Variants in GHR observed in about 807,000 individuals in gnomAD.
The protein encoded by GHR is growth hormone receptor.
In GHR, 35 loss-of-function variants were observed where a neutral mutation model predicts 67.1. That is an observed-to-expected ratio of 0.52 (90% CI 0.40 to 0.69). The LOEUF (loss-of-function observed/expected upper bound fraction) is 0.69. GHR is among the 30% of genes least tolerant of loss of function. The pLI is 0.00. For synonymous variants in GHR, 272 were observed against 269.1 expected (o/e 1.01, Z -0.10); for missense variants, 792 against 764.6 (o/e 1.04, Z -0.42).
chr5:42,610,280 T>C (rs1001010947), intron 2 of GHR, among the ~76,000 whole-genome samples: 2 of 152,152 alleles, frequency 1.3e-5, no homozygotes, highest in African/African-American at 4.8e-5. Context: ...ACTGATCTGA[T>C]GTGAACCCCT....
At chr5:42,713,027 A>T (rs181835196) in intron 7 of GHR, among the ~76,000 whole-genome samples, 10 of 150,576 alleles carry the variant, frequency 6.6e-5, no homozygotes, top group African/African-American at 2.4e-4. Flanking sequence ...CACCACACTT[A>T]AAAAAAAATA....
intron 2 of GHR, among the ~76,000 whole-genome samples, chr5:42,572,950 A>G (rs774625806): frequency 4.3e-4 from 66 of 152,184 alleles, no homozygotes; most frequent in Non-Finnish European, 7.9e-4. Context: ...TCTGTGTTTC[A>G]AGAGTGTGGC....
chr5:42,511,809 G>A (rs1747030726), intron 1 of GHR, among the ~76,000 whole-genome samples: 1 of 152,096 alleles, frequency 6.6e-6, no homozygotes. Context: ...GGGGTATTCA[G>A]ACATTTAAAG....
intron 1 of GHR, among the ~76,000 whole-genome samples, chr5:42,451,719 A>C (rs1209404291): frequency 1.3e-5 from 2 of 150,700 alleles, no homozygotes; most frequent in South Asian, 2.1e-4. Context: ...AAAAAAAAAA[A>C]CCTACTCCTG....
chr5:42,502,590 G>C (rs1412225476), intron 1 of GHR, among the ~76,000 whole-genome samples: 13 of 151,778 alleles, frequency 8.6e-5, no homozygotes, highest in Admixed American at 5.2e-4. Flanking sequence ...TCTTTAGTCA[G>C]AAAAATATTC....
At chr5:42,672,475 G>A (rs1756366541) in intron 3 of GHR, among the ~76,000 whole-genome samples, 1 of 152,112 alleles carries the variant, frequency 6.6e-6, no homozygotes, top group Admixed American at 6.5e-5. Flanking sequence ...CACAAGTACA[G>A]CCATTTAATC....
chr5:42,685,145 T>G (rs1757076953), intron 3 of GHR, among the ~76,000 whole-genome samples: 1 of 152,010 alleles, frequency 6.6e-6, no homozygotes, highest in African/African-American at 2.4e-5. Flanking sequence ...TCCCTGTGTA[T>G]GTGTGTTCTC....
intron 2 of GHR, among the ~76,000 whole-genome samples, chr5:42,579,182 A>AGAT (rs1444300693): frequency 2.0e-5 from 3 of 151,244 alleles, no homozygotes; most frequent in African/African-American, 7.4e-5. Flanking sequence ...ATAGATAGAT[A>AGAT]GATAGATAGA....
intron 2 of GHR, among the ~76,000 whole-genome samples, chr5:42,583,878 G>GATATATATATATATATATATATATAT (rs138386131): frequency 9.4e-5 from 13 of 138,970 alleles, no homozygotes; most frequent in Admixed American, 7.6e-4. Flanking sequence ...TTTAAATAAA[G>GATATATATATATATATATATATATAT]ATATATATAT....
intron 1 of GHR, among the ~76,000 whole-genome samples, chr5:42,433,675 T>C (rs1743194469): frequency 6.6e-6 from 1 of 151,740 alleles, no homozygotes; most frequent in African/African-American, 2.4e-5. Flanking sequence ...GACTGAGGGA[T>C]TGGAAGAGTG....
chr5:42,470,196 T>TATATCTATAACATAACATATTATATA (rs1744945675), intron 1 of GHR, among the ~76,000 whole-genome samples: 1 of 147,388 alleles, frequency 6.8e-6, no homozygotes. Context: ...ACTATTATAT[T>TATATCTATAACATAACATATTATATA]ATATCTATAA....
intron 1 of GHR, among the ~76,000 whole-genome samples, chr5:42,538,106 CT>C (rs528097948): frequency 7.9e-4 from 121 of 152,292 alleles, no homozygotes; most frequent in African/African-American, 2.9e-3. Flanking sequence ...GAGTTCTTAT[CT>C]ATTCTGCTGT....
At chr5:42,537,853 A>G (rs1748329512) in intron 1 of GHR, among the ~76,000 whole-genome samples, 2 of 152,098 alleles carry the variant, frequency 1.3e-5, no homozygotes, top group Admixed American at 1.3e-4. Context: ...TTAGGCGCAT[A>G]TATGTTTAGG....
At chr5:42,551,102 T>C (rs530350800) in intron 1 of GHR, among the ~76,000 whole-genome samples, 3 of 152,374 alleles carry the variant, frequency 2.0e-5, no homozygotes, top group Admixed American at 2.0e-4. Context: ...CACATGTTTC[T>C]GCTCATTTAT....
At chr5:42,703,858 T>C (rs1007886944) in intron 6 of GHR, among the ~76,000 whole-genome samples, 1 of 151,996 alleles carries the variant, frequency 6.6e-6, no homozygotes, top group Non-Finnish European at 1.5e-5. Flanking sequence ...TATTAGTGTA[T>C]AGAAATGTTA....
intron 1 of GHR, among the ~76,000 whole-genome samples, chr5:42,471,473 A>C (rs997001126): frequency 1.3e-5 from 2 of 152,204 alleles, no homozygotes; most frequent in South Asian, 2.1e-4. Flanking sequence ...GTGATCGTTG[A>C]CCTTCCTACT....
chr5:42,525,774 G>T (rs1053074094), intron 1 of GHR, among the ~76,000 whole-genome samples: 1 of 152,176 alleles, frequency 6.6e-6, no homozygotes, highest in African/African-American at 2.4e-5. Flanking sequence ...CTGTTCTCAT[G>T]ATAGTGCATA....
Position 42,688,939 on chromosome 5 carries a change from G to T in GHR, c.186G>T (p.Glu62Asp). The T allele has an allele frequency of 1.2e-6, 2 of 1,613,552 alleles. No homozygotes were observed. Among genetic ancestry groups the T allele is most frequent in the Non-Finnish European group, 1.7e-6 (2 of 1,179,506 alleles). The change falls in exon 4 of 10, where the codon GAG (glutamate) becomes GAT (aspartate). Residue 62 changes from glutamate (E) to aspartate (D), a missense_variant. Coordinates refer to ENST00000230882, the MANE Select transcript of GHR (RefSeq NM_000163.5). ...KFTKCRSPER[E>D]TFSCHWTDEV... is the part of the protein sequence containing the mutation. ...CCAAGTGCCGTTCACCTGAGCGAGA[G>T]ACTTTTTCATGCCACTGGACAGATG...
intron 6 of GHR, among the ~76,000 whole-genome samples, chr5:42,701,623 A>G (rs547203365): frequency 6.2e-4 from 95 of 152,268 alleles, no homozygotes; most frequent in Admixed American, 2.7e-3. Context: ...AAGAAAAACA[A>G]CTGACAGTAT....
Sources: gnomAD v4.1 joint callset for allele counts (sites outside exome capture counted in the v4.1 genomes callset) on GRCh38, gnomAD v4.1.1 for gene constraint, MANE v1.5 for transcripts, NCBI Gene and HGNC (gene_info 2026-07-23, HGNC 2026-07-21) for gene names.